HS6ST2: variants seen among roughly 807,000 people sequenced by gnomAD.
HS6ST2 encodes the protein heparan sulfate 6-O-sulfotransferase 2, also known as heparan-sulfate 6-O-sulfotransferase 2.
A neutral mutation model predicts 33.0 loss-of-function variants in HS6ST2; 17 were observed. The observed-to-expected ratio is 0.52, with a 90% CI of 0.35 to 0.77. The LOEUF (loss-of-function observed/expected upper bound fraction) is 0.77. Ranked by LOEUF, HS6ST2 falls within the 30% of genes least tolerant of loss-of-function variation. HS6ST2 has a pLI of 0.01. For missense variants in HS6ST2, 519 were observed against 551.7 expected (o/e 0.94, Z 0.59); for synonymous variants, 248 against 237.1 (o/e 1.05, Z -0.42).
At chrX:132,875,375 C>T (rs748547062) in intron 2 of HS6ST2, among the ~76,000 whole-genome samples, 1 of 111,366 alleles carries the variant, frequency 9.0e-6, no homozygotes, top group African/African-American at 3.3e-5. Context: ...TTAGAGTTCA[C>T]GTCTCTGGAG....
rs554415197 is a variant in HS6ST2, at chrX:132,779,130, A to C, written c.948-70636T>G. 8.9e-5 allele frequency among the ~76,000 whole-genome samples: 10 copies of C among 111,808 alleles called. No individual in the cohort carries two copies. In the South Asian group the frequency reaches 3.8e-3, roughly 42 times the overall value. On this transcript the variant is annotated intron_variant, in intron 2 of 4. Transcript: ENST00000370833. ...AAGTCACAAGGAAAAACTGGTGGCA[A>C]CTCAGGCTGGAATACATGCTATGTG...
chrX:132,902,151 G>GAGTGC (rs1051593318), intron 2 of HS6ST2, among the ~76,000 whole-genome samples: 1 of 107,952 alleles, frequency 9.3e-6, no homozygotes, highest in African/African-American at 3.4e-5. Context: ...ACCCAGGCTG[G>GAGTGC]AGTGCAGTTG....
intron 4 of HS6ST2, among the ~76,000 whole-genome samples, chrX:132,663,429 T>C (rs1040215755): frequency 8.9e-6 from 1 of 112,448 alleles, no homozygotes; most frequent in African/African-American, 3.2e-5. Flanking sequence ...GTAGTTAGGC[T>C]ATAAATGAAT....
chrX:132,736,280 C>G (rs2064510151), intron 2 of HS6ST2, among the ~76,000 whole-genome samples: 1 of 111,751 alleles, frequency 8.9e-6, no homozygotes, highest in African/African-American at 3.3e-5. Flanking sequence ...CCAAGTTTGA[C>G]TGATTTAATC....
At chrX:132,937,308 T>C (rs781028419) in intron 2 of HS6ST2, among the ~76,000 whole-genome samples, 2 of 111,833 alleles carry the variant, frequency 1.8e-5, no homozygotes, top group African/African-American at 3.3e-5. Context: ...CCTGTCAAAA[T>C]ACCAATAACA....
chrX:132,923,578 T>C (rs751295143), intron 2 of HS6ST2, among the ~76,000 whole-genome samples: 4 of 112,255 alleles, frequency 3.6e-5, no homozygotes, highest in East Asian at 2.8e-4. Context: ...TACAAAACCA[T>C]AGACTCTACT....
chrX:132,669,105 T>G lies in HS6ST2; in HGVS notation c.1067+8A>C. The G allele has an allele frequency of 1.7e-6, 2 of 1,162,433 alleles. No individual in the cohort carries two copies. Among genetic ancestry groups the G allele is most frequent in the Non-Finnish European group, 2.3e-6 (2 of 851,907 alleles). The stretch of plus-strand genomic sequence containing the variant: ...ATGTCAGATGTACAGGAGCACTTTT[T>G]CACTTACTTCCCACTCTTAGATGTG... On this transcript the variant is annotated splice_region_variant and intron_variant, in intron 4 of 4. Coordinates refer to ENST00000370833, the MANE Select transcript of HS6ST2 (RefSeq NM_001394073.1).
At chrX:132,917,828 G>C (rs994851374) in intron 2 of HS6ST2, among the ~76,000 whole-genome samples, 13 of 111,879 alleles carry the variant, frequency 1.2e-4, no homozygotes, top group African/African-American at 3.9e-4. Context: ...TTTAAGGTGA[G>C]AAAAGCTTAA....
chrX:132,881,730 T>C (rs1433712402), intron 2 of HS6ST2, among the ~76,000 whole-genome samples: 1 of 111,429 alleles, frequency 9.0e-6, no homozygotes, highest in Non-Finnish European at 1.9e-5. Context: ...ATTGTCTAGG[T>C]TTTCTTCTAG....
At chrX:132,732,784 T>A (rs1327469370) in intron 2 of HS6ST2, among the ~76,000 whole-genome samples, 1 of 111,909 alleles carries the variant, frequency 8.9e-6, no homozygotes, top group Admixed American at 9.5e-5. Flanking sequence ...CGGCTATGTC[T>A]TTATTAGCAG....
chrX:132,786,361 G>T (rs1411363741), intron 2 of HS6ST2, among the ~76,000 whole-genome samples: 2 of 111,038 alleles, frequency 1.8e-5, no homozygotes, highest in Non-Finnish European at 3.8e-5. Context: ...TTGAAGATGT[G>T]GCATAATTGG....
At chrX:132,787,655 C>T (rs748330417) in intron 2 of HS6ST2, among the ~76,000 whole-genome samples, 87 of 105,394 alleles carry the variant, frequency 8.3e-4, no homozygotes, top group African/African-American at 2.7e-3. Flanking sequence ...TTTGGGAGGC[C>T]GAGGCAGGTG....
At chrX:132,653,169 AT>A (rs1424628868) in intron 4 of HS6ST2, among the ~76,000 whole-genome samples, 1 of 111,518 alleles carries the variant, frequency 9.0e-6, no homozygotes, top group Non-Finnish European at 1.9e-5. Flanking sequence ...TGAAGTGACC[AT>A]TTTTTAAAGT....
At chrX:132,880,896 G>A (rs762977196) in intron 2 of HS6ST2, among the ~76,000 whole-genome samples, 5 of 108,485 alleles carry the variant, frequency 4.6e-5, no homozygotes, top group East Asian at 3.0e-4. Context: ...CTGTCCTTGC[G>A]ATAGTTTGCT....
At chrX:132,873,276 T>C (rs1337883374) in intron 2 of HS6ST2, among the ~76,000 whole-genome samples, 1 of 111,514 alleles carries the variant, frequency 9.0e-6, no homozygotes, top group Non-Finnish European at 1.9e-5. Context: ...TTGCTCTTTC[T>C]AGCCCCACAC....
chrX:132,677,194 A>C (rs1450947819), intron 3 of HS6ST2, among the ~76,000 whole-genome samples: 1 of 112,316 alleles, frequency 8.9e-6, no homozygotes, highest in Non-Finnish European at 1.9e-5. Flanking sequence ...GGAAAAGCCA[A>C]AGGAGCCAAC....
At chrX:132,901,401 A>G (rs766854253) in intron 2 of HS6ST2, among the ~76,000 whole-genome samples, 20 of 111,950 alleles carry the variant, frequency 1.8e-4, no homozygotes, top group Non-Finnish European at 1.1e-4. Context: ...CACCAGGAAA[A>G]ACACAAAATA....
chrX:132,909,383 T>C, intron 2 of HS6ST2, among the ~76,000 whole-genome samples: 1 of 111,769 alleles, frequency 8.9e-6, no homozygotes, highest in South Asian at 3.8e-4. Context: ...TCAATTTACC[T>C]CATGGCCCGG....
At chrX:132,909,045 T>C (rs1292043525) in intron 2 of HS6ST2, among the ~76,000 whole-genome samples, 28 of 106,767 alleles carry the variant, frequency 2.6e-4, no homozygotes, top group African/African-American at 9.3e-4. Flanking sequence ...GGTTTGGGAT[T>C]AGGCACTTAC....
Sources: gnomAD v4.1 joint callset for allele counts (sites outside exome capture counted in the v4.1 genomes callset) on GRCh38, gnomAD v4.1.1 for gene constraint, MANE v1.5 for transcripts, NCBI Gene and HGNC (gene_info 2026-07-23, HGNC 2026-07-21) for gene names.